The following CHCHD3 variants were observed in gnomAD, a reference collection of about 807,000 sequenced individuals.
The protein encoded by CHCHD3 is MICOS complex subunit MIC19.
A neutral mutation model predicts 38.2 loss-of-function variants in CHCHD3; 20 were observed. The ratio of observed to expected loss-of-function variants is 0.52; its 90% CI spans 0.37 to 0.76. CHCHD3 has a LOEUF of 0.76. Ranked by LOEUF, CHCHD3 falls within the 30% of genes least tolerant of loss-of-function variation. CHCHD3 has a pLI of 0.00. For missense variants in CHCHD3, 245 were observed against 279.2 expected (o/e 0.88, Z 0.87); for synonymous variants, 82 against 100.0 (o/e 0.82, Z 1.07).
intron 6 of CHCHD3, among the ~76,000 whole-genome samples, chr7:132,838,076 C>T (rs1039840720): frequency 6.6e-6 from 1 of 152,174 alleles, no homozygotes; most frequent in African/African-American, 2.4e-5. Flanking sequence ...TCCCTTAATA[C>T]AGTAGCAATT....
At chr7:133,029,075 C>A (rs150643744) in intron 2 of CHCHD3, among the ~76,000 whole-genome samples, 221 of 152,164 alleles carry the variant, frequency 1.5e-3, no homozygotes, top group Middle Eastern at 6.8e-3. Flanking sequence ...TAACAAATTT[C>A]TTTTCCTTAT....
intron 4 of CHCHD3, among the ~76,000 whole-genome samples, chr7:132,919,354 G>A (rs950617011): frequency 7.9e-5 from 12 of 151,816 alleles, no homozygotes; most frequent in African/African-American, 2.7e-4. Flanking sequence ...CTCGTGATCC[G>A]CCCGCCTCGG....
intron 2 of CHCHD3, among the ~76,000 whole-genome samples, chr7:133,046,496 G>A (rs1026228333): frequency 1.3e-5 from 2 of 152,236 alleles, no homozygotes; most frequent in African/African-American, 4.8e-5. Context: ...GTGCTAGTAA[G>A]TCAGTGTATA....
intron 3 of CHCHD3, among the ~76,000 whole-genome samples, chr7:133,003,190 T>A (rs751320799): frequency 6.6e-6 from 1 of 152,144 alleles, no homozygotes. Context: ...TCAGAGACAA[T>A]GTGAAACACG....
chr7:133,026,380 T>C (rs1195715156), intron 2 of CHCHD3, among the ~76,000 whole-genome samples: 5 of 152,098 alleles, frequency 3.3e-5, no homozygotes, highest in African/African-American at 9.7e-5. Flanking sequence ...ATAACAAGTG[T>C]TGGTGAAGAT....
chr7:133,077,497 G>A (rs897584107), intron 1 of CHCHD3, among the ~76,000 whole-genome samples: 1 of 152,208 alleles, frequency 6.6e-6, no homozygotes, highest in Admixed American at 6.5e-5. Flanking sequence ...AAGCCCAGCT[G>A]CGGACATTCG....
chr7:132,799,034 T>C (rs1563238596), intron 6 of CHCHD3, among the ~76,000 whole-genome samples: 1 of 149,790 alleles, frequency 6.7e-6, no homozygotes, highest in Admixed American at 6.6e-5. Flanking sequence ...TGTGTGTGTG[T>C]GTGTGTGTGT....
chr7:132,878,182 A>G (rs1808962298), intron 5 of CHCHD3, among the ~76,000 whole-genome samples: 2 of 152,196 alleles, frequency 1.3e-5, no homozygotes, highest in Admixed American at 6.5e-5. Flanking sequence ...AATATTTTAC[A>G]ATGACAGACT....
intron 4 of CHCHD3, among the ~76,000 whole-genome samples, chr7:132,966,103 C>A (rs992191688): frequency 4.6e-5 from 7 of 152,166 alleles, no homozygotes; most frequent in Admixed American, 3.3e-4. Flanking sequence ...ATTTCAGAAT[C>A]ATCTAAAATG....
At chr7:132,899,777 A>T (rs1257617461) in intron 4 of CHCHD3, among the ~76,000 whole-genome samples, 1 of 152,194 alleles carries the variant, frequency 6.6e-6, no homozygotes, top group African/African-American at 2.4e-5. Flanking sequence ...ACCTTTCTGG[A>T]TCTGTCTCTT....
chr7:133,046,124 T>C (rs1813976042), intron 2 of CHCHD3, among the ~76,000 whole-genome samples: 1 of 152,216 alleles, frequency 6.6e-6, no homozygotes, highest in Non-Finnish European at 1.5e-5. Flanking sequence ...TTTGTAATTG[T>C]TTATTCTGTT....
At chr7:132,981,572 T>C (rs1811919749) in intron 3 of CHCHD3, among the ~76,000 whole-genome samples, 1 of 152,214 alleles carries the variant, frequency 6.6e-6, no homozygotes, top group Admixed American at 6.5e-5. Context: ...TCTAAATTAT[T>C]ACCACCCCTT....
chr7:132,915,955 A>ATT (rs10708335), intron 4 of CHCHD3, among the ~76,000 whole-genome samples: 3 of 145,004 alleles, frequency 2.1e-5, no homozygotes, highest in Non-Finnish European at 4.6e-5. Flanking sequence ...TAATAAAAAA[A>ATT]TTTTTTTTTT....
chr7:133,036,536 T>C (rs1381385477), intron 2 of CHCHD3, among the ~76,000 whole-genome samples: 2 of 152,150 alleles, frequency 1.3e-5, no homozygotes, highest in Non-Finnish European at 2.9e-5. Flanking sequence ...CAGAAATATG[T>C]CATATCTGGT....
chr7:132,874,150 C>G (rs761317140), intron 5 of CHCHD3, among the ~76,000 whole-genome samples: 5 of 152,136 alleles, frequency 3.3e-5, no homozygotes, highest in Non-Finnish European at 7.4e-5. Flanking sequence ...AGGGATACAG[C>G]AGGGAACAGA....
chr7:132,979,093 T>C (rs922394982), intron 3 of CHCHD3, among the ~76,000 whole-genome samples: 2 of 152,196 alleles, frequency 1.3e-5, no homozygotes, highest in African/African-American at 4.8e-5. Flanking sequence ...GTTTTAAAAT[T>C]TGAAGGTTGA....
chr7:132,792,753 C>T (rs1806496101), intron 7 of CHCHD3, among the ~76,000 whole-genome samples: 1 of 152,176 alleles, frequency 6.6e-6, no homozygotes, highest in Non-Finnish European at 1.5e-5. Flanking sequence ...TTTATCAAAG[C>T]AACTGAAGCT....
chr7:133,053,188 T>C (rs1481802563), intron 2 of CHCHD3, among the ~76,000 whole-genome samples: 1 of 152,170 alleles, frequency 6.6e-6, no homozygotes, highest in African/African-American at 2.4e-5. Context: ...ACATCACAAA[T>C]ATAGTAAGAG....
chr7:132,954,193 G>A (rs745330989), intron 4 of CHCHD3, among the ~76,000 whole-genome samples: 16 of 152,076 alleles, frequency 1.1e-4, no homozygotes, highest in African/African-American at 2.2e-4. Flanking sequence ...TTGCTCTGGT[G>A]TATATGGCAG....
Sources: gnomAD v4.1 joint callset for allele counts (sites outside exome capture counted in the v4.1 genomes callset) on GRCh38, gnomAD v4.1.1 for gene constraint, MANE v1.5 for transcripts, NCBI Gene and HGNC (gene_info 2026-07-23, HGNC 2026-07-21) for gene names.